GLIS3: variants seen among roughly 807,000 people sequenced by gnomAD.
GLIS3 encodes GLIS family zinc finger 3, also known as zinc finger protein GLIS3.
A neutral mutation model predicts 78.6 loss-of-function variants in GLIS3; 53 were observed. The ratio of observed to expected loss-of-function variants is 0.67; its 90% confidence interval spans 0.54 to 0.85. GLIS3 has a LOEUF of 0.85. GLIS3 is among the 40% of genes least tolerant of loss of function. The pLI, the probability that GLIS3 is intolerant of heterozygous loss-of-function variation, is 0.00. For synonymous variants in GLIS3, 684 were observed against 509.9 expected (o/e 1.34, Z -4.60); for missense variants, 1,703 against 1,231.1 (o/e 1.38, Z -5.74).
In GLIS3 at chr9:4,118,489, T is replaced by G; in HGVS notation, c.989A>C (p.Tyr330Ser). 1 of 1,614,140 alleles carries G rather than the reference T, an allele frequency of 6.2e-7. No individual in the cohort carries two copies. Among genetic ancestry groups the G allele is most frequent in the Non-Finnish European group, 8.5e-7 (1 of 1,180,014 alleles). Residue 330 changes from tyrosine to serine, a missense_variant, in exon 4 of 11, where the codon TAC becomes TCC. Transcript: ENST00000381971. The surrounding 1 kb of genome is among the most constrained non-coding windows in gnomAD (Gnocchi z 4.7). ...IRTSPTSLVA[Y>S]INGSRASPAN... ...CGGCGAAGCCCTCGACCCGTTGATG[T>G]AGGCCACCAAGGACGTGGGCGACGT...
chr9:4,450,682 G>C, the GLIS3 span, among the ~76,000 whole-genome samples: 1 of 152,140 alleles, frequency 6.6e-6, no homozygotes, highest in Admixed American at 6.5e-5. Context: ...AAAGAGAGTG[G>C]GGGCCAATAT....
At chr9:4,442,438 G>A in the GLIS3 span, among the ~76,000 whole-genome samples, 3 of 151,998 alleles carry the variant, frequency 2.0e-5, no homozygotes, top group East Asian at 5.8e-4. Flanking sequence ...AATTTCAACT[G>A]GTAATCATCC....
intron 2 of GLIS3, among the ~76,000 whole-genome samples, chr9:4,155,904 T>C (rs909414071): frequency 1.3e-5 from 2 of 152,196 alleles, no homozygotes; most frequent in Admixed American, 1.3e-4. Context: ...CTGCTCAAGA[T>C]CATAGGAACA....
intron 4 of GLIS3, among the ~76,000 whole-genome samples, chr9:4,048,208 T>C (rs959522382): frequency 6.6e-6 from 1 of 152,186 alleles, no homozygotes; most frequent in Non-Finnish European, 1.5e-5. Context: ...GGGCTGGCTA[T>C]AGTTAAACAT....
At chr9:4,132,275 GCCAAAAT>G (rs138460005) in intron 2 of GLIS3, among the ~76,000 whole-genome samples, 2,093 of 152,238 alleles carry the variant, frequency 0.014, 42 homozygotes, top group East Asian at 0.023. Context: ...ATACATTCTA[GCCAAAAT>G]CACTGTATGC....
intron 2 of GLIS3, among the ~76,000 whole-genome samples, chr9:4,131,015 G>A (rs1036900112): frequency 2.0e-5 from 3 of 152,226 alleles, no homozygotes; most frequent in Admixed American, 1.3e-4. Flanking sequence ...TGTGAAACAA[G>A]GAGTTAAAGG....
At chr9:4,121,953 C>T (rs930549497) in intron 3 of GLIS3, among the ~76,000 whole-genome samples, 2 of 152,212 alleles carry the variant, frequency 1.3e-5, no homozygotes, top group Non-Finnish European at 2.9e-5. Context: ...AAGAAAGTGA[C>T]AGCTGTATCA....
At chr9:4,166,890 A>G (rs1815893189) in intron 2 of GLIS3, among the ~76,000 whole-genome samples, 1 of 152,236 alleles carries the variant, frequency 6.6e-6, no homozygotes. Flanking sequence ...CTGCAAAACC[A>G]GAGATGAGAG....
chr9:4,201,400 C>G (rs1223964084), intron 2 of GLIS3, among the ~76,000 whole-genome samples: 3 of 152,190 alleles, frequency 2.0e-5, no homozygotes, highest in African/African-American at 7.2e-5. Context: ...ACTGTCCCGT[C>G]TTTGTGGAAA....
Position 4,117,837 on chromosome 9 carries a change from G to C in GLIS3, c.1641C>G (p.Pro547=), listed in dbSNP as rs374530678. 1 of 1,614,150 alleles carries C rather than the reference G, an allele frequency of 6.2e-7. No individual in the cohort carries two copies. Among genetic ancestry groups the C allele is most frequent in the Non-Finnish European group, 8.5e-7 (1 of 1,180,026 alleles). The change falls in exon 4 of 11, where the codon CCC becomes CCG. Residue 547 remains proline, a synonymous_variant. Transcript: ENST00000381971. ...FWAGCPRRYK[P]FNARYKLLIH... ...TCAGCAGTTTATAGCGGGCGTTGAA[G>C]GGCTTGTATCTTCGAGGGCAACCGG...
At chr9:4,215,222 T>TC (rs1301671398) in intron 2 of GLIS3, among the ~76,000 whole-genome samples, 1 of 151,980 alleles carries the variant, frequency 6.6e-6, no homozygotes, top group Non-Finnish European at 1.5e-5. Context: ...CCTTCCAACC[T>TC]CCCCTCTGAA....
chr9:4,392,839 T>C, the GLIS3 span, among the ~76,000 whole-genome samples: 1 of 152,092 alleles, frequency 6.6e-6, no homozygotes, highest in African/African-American at 2.4e-5. Flanking sequence ...CAAGAGTACA[T>C]TACACATAGA....
chr9:4,246,280 A>G (rs1390643581), intron 2 of GLIS3, among the ~76,000 whole-genome samples: 2 of 152,232 alleles, frequency 1.3e-5, no homozygotes, highest in African/African-American at 4.8e-5. Flanking sequence ...TTTCATTTAA[A>G]TGGTTAGTGA....
chr9:3,954,878 G>A (rs1816984184), intron 4 of GLIS3, among the ~76,000 whole-genome samples: 2 of 152,198 alleles, frequency 1.3e-5, no homozygotes, highest in African/African-American at 4.8e-5. Context: ...TTGTTCAGCT[G>A]AAAACATGCC....
At chr9:4,135,868 A>G (rs910995062) in intron 2 of GLIS3, among the ~76,000 whole-genome samples, 9 of 152,240 alleles carry the variant, frequency 5.9e-5, no homozygotes, top group Non-Finnish European at 1.2e-4. Context: ...CCTTAGAGCT[A>G]GAAACATCCT....
intron 4 of GLIS3, among the ~76,000 whole-genome samples, chr9:4,093,751 A>G (rs946178819): frequency 4.6e-5 from 7 of 152,180 alleles, no homozygotes; most frequent in Non-Finnish European, 7.3e-5. Context: ...GATTGCAGTT[A>G]TGTGTGCTGG....
chr9:4,236,166 A>T (rs2131380414), intron 2 of GLIS3, among the ~76,000 whole-genome samples: 1 of 130,314 alleles, frequency 7.7e-6, no homozygotes, highest in South Asian at 2.6e-4. Context: ...CAGCTAGGAA[A>T]ACTTGACGTG....
chr9:4,354,188 T>C, the GLIS3 span, among the ~76,000 whole-genome samples: 1 of 152,118 alleles, frequency 6.6e-6, no homozygotes. Context: ...AAGAGTGTTA[T>C]GCTAAACTTG....
At chr9:4,179,206 A>G (rs961934762) in intron 2 of GLIS3, among the ~76,000 whole-genome samples, 2 of 152,226 alleles carry the variant, frequency 1.3e-5, no homozygotes, top group African/African-American at 4.8e-5. Flanking sequence ...TGAACCAAAC[A>G]TGAGAAACTT....
Sources: allele counts gnomAD v4.1 joint callset (sites outside exome capture counted in the v4.1 genomes callset), GRCh38; gene constraint gnomAD v4.1.1; non-coding constraint Gnocchi (gnomAD v3.1); transcripts MANE v1.5; gene names NCBI Gene and HGNC (gene_info 2026-07-23, HGNC 2026-07-21).